The following STARD9 variants were observed in gnomAD, a reference collection of about 807,000 sequenced individuals.
STARD9 encodes stAR-related lipid transfer protein 9.
Under a neutral mutation model 399.8 loss-of-function variants are expected in STARD9, and 346 were observed. The observed-to-expected ratio is 0.87, with a 90% CI of 0.79 to 0.95. The LOEUF (loss-of-function observed/expected upper bound fraction) is 0.95, where lower values mean the gene tolerates loss of function less well. Ranked by LOEUF, STARD9 falls within the 40% of genes least tolerant of loss-of-function variation. The probability of loss-of-function intolerance (pLI) is 0.00; values close to 1 mark genes in which losing one functional copy is unlikely to be tolerated. For missense variants in STARD9, 5,832 were observed against 5,667.5 expected (o/e 1.03, Z -0.93); for synonymous variants, 2,203 against 2,143.5 (o/e 1.03, Z -0.77).
intron 6 of STARD9, 77 bp downstream of exon 6, chr15:42,638,164 CTT>C (rs772186523): frequency 1.2e-4 from 165 of 1,326,598 alleles, no homozygotes; most frequent in Non-Finnish European, 1.6e-4. Context: ...GCTGTCCTCT[CTT>C]TGCTTCCAGA....
At chr15:42,659,216 A>G (rs1295733507) in intron 9 of STARD9, among the ~76,000 whole-genome samples, 1 of 152,224 alleles carries the variant, frequency 6.6e-6, no homozygotes, top group East Asian at 1.9e-4. Context: ...TCCAGAATAT[A>G]TAAAGAACTC....
At chr15:42,681,765 C>T (rs2060433679) in intron 21 of STARD9, among the ~76,000 whole-genome samples, 153 bp downstream of exon 21, 1 of 152,112 alleles carries the variant, frequency 6.6e-6, no homozygotes, top group African/African-American at 2.4e-5. Flanking sequence ...ACCAGAGATT[C>T]TTATAAGAAG....
At chr15:42,649,862 C>CTTTTT (rs765573235) in intron 7 of STARD9, among the ~76,000 whole-genome samples, 3 of 107,224 alleles carry the variant, frequency 2.8e-5, no homozygotes, top group Non-Finnish European at 5.6e-5. Flanking sequence ...CGAGCCTGGC[C>CTTTTT]TTTTTTTTTT....
At chr15:42,580,340 T>C (rs990311244) in intron 1 of STARD9, among the ~76,000 whole-genome samples, 1 of 152,184 alleles carries the variant, frequency 6.6e-6, no homozygotes, top group Non-Finnish European at 1.5e-5. Context: ...GCCCAGAATC[T>C]TGCAACACTG....
Position 42,663,309 on chromosome 15 carries a change from C to T in STARD9, c.897C>T (p.Cys299=). Residue 299 remains cysteine (C), a synonymous_variant, in exon 12 of 33, where the codon TGC becomes TGT. Coordinates refer to ENST00000290607, the MANE Select transcript of STARD9 (RefSeq NM_020759.3). ...AGAACTCCCAAGTTTTCAGCAGCTGCCAGAGCCTCAACAGCTCAGTCAGCA... is the reference window on the plus strand; with the variant it reads ...AGAACTCCCAAGTTTTCAGCAGCTGTCAGAGCCTCAACAGCTCAGTCAGCA... ...LAQNSQVFSS[C]QSLNSSVSNG... 1 of 1,536,074 alleles carries T rather than the reference C, an allele frequency of 6.5e-7. No homozygotes were observed. Among genetic ancestry groups the T allele is most frequent in the Non-Finnish European group, 8.7e-7 (1 of 1,145,814 alleles).
Position 42,687,117 on chromosome 15 carries a change from G to C in STARD9, c.5539G>C (p.Val1847Leu), listed in dbSNP as rs1264772833. 2 of 1,537,140 alleles carry C rather than the reference G, an allele frequency of 1.3e-6. No homozygotes were observed. Among genetic ancestry groups the C allele is most frequent in the African/African-American group, 1.4e-5 (1 of 73,046 alleles). ...TATTACAGAAGAAAGCCATGATTCA[G>C]TTTATTCTTCTGTTACTCAGAACAG... ...GNITEESHDS[V>L]YSSVTQNRHF... is the part of the protein sequence containing the mutation. Residue 1847 changes from valine to leucine, a missense_variant, in exon 23 of 33, where the codon GTT becomes CTT. Val to Leu is a conservative substitution (Grantham distance 32). This residue lies in a region of STARD9 where 5,828 missense variants were observed against 5,651.1 expected (regional missense o/e 1.03). Coordinates refer to ENST00000290607, the MANE Select transcript of STARD9 (RefSeq NM_020759.3).
intron 3 of STARD9, among the ~76,000 whole-genome samples, chr15:42,601,893 G>C (rs2058638406): frequency 6.6e-6 from 1 of 152,192 alleles, no homozygotes; most frequent in African/African-American, 2.4e-5. Flanking sequence ...TGTCACCTGG[G>C]CTGGAGTGCA....
At position 42,693,485 on chromosome 15, in the gene STARD9, A is replaced by G; in HGVS notation, c.11907A>G (p.Gln3969=). Residue 3969 remains glutamine, a synonymous_variant, in exon 23 of 33, where the codon CAA becomes CAG. Coordinates refer to ENST00000290607, the MANE Select transcript of STARD9 (RefSeq NM_020759.3). ...CCCAGAGAGGTAGAAGTTCCTTACA[A>G]AGGAGTAATGGGAGATCCTTCCTTG... is the stretch of plus-strand genomic sequence containing the variant. ...GGSQRGRSSL[Q]RSNGRSFLEL... 1 of 1,537,218 alleles carries G rather than the reference A, an allele frequency of 6.5e-7. No individual in the cohort carries two copies. The highest frequency in any genetic ancestry group is 8.7e-7 in the Non-Finnish European group (1 of 1,146,900).
rs375001385 is a variant in STARD9 at position 42,684,489 on chromosome 15, A to C, written c.2911A>C (p.Thr971Pro). 6.5e-7 allele frequency: 1 copy of C among 1,537,078 alleles called. No homozygotes were observed. The highest frequency in any genetic ancestry group is 1.4e-5 in the African/African-American group (1 of 73,056). Reference sequence around the variant, plus strand: ...GCATGAGCCAAAGATCTTCACCTCTACTACCCAGACCAGAGGGGCGAAGGG... The same window carrying C: ...GCATGAGCCAAAGATCTTCACCTCTCCTACCCAGACCAGAGGGGCGAAGGG... ...PRHEPKIFTSTTQTRGAKGLA... is the reference protein window; with the variant it reads ...PRHEPKIFTSPTQTRGAKGLA... Residue 971 changes from threonine (T) to proline (P), a missense_variant, in exon 23 of 33, where the codon ACT (threonine) becomes CCT (proline). By Grantham distance (38) the Thr-to-Pro change is conservative. Coordinates refer to ENST00000290607, the MANE Select transcript of STARD9 (RefSeq NM_020759.3).
chr15:42,719,583 C>A lies in STARD9; in HGVS notation c.*9C>A. ...CCTTCCTTGGTAGGTAGCATCTCAC[C>A]GTCAAGATGGTGCTGCTGAGATGCA... On this transcript the variant is annotated 3_prime_UTR_variant, in exon 33 of 33. Transcript: ENST00000290607. 1.3e-6 allele frequency: 2 copies of A among 1,509,570 alleles called. No individual in the cohort carries two copies. Among genetic ancestry groups the A allele is most frequent in the South Asian group, 1.2e-5 (1 of 83,448 alleles). The allele number at this position is 1,509,570 out of a possible 1,614,324, so 93.5% of individuals were successfully genotyped here.
intron 3 of STARD9, among the ~76,000 whole-genome samples, chr15:42,619,915 T>C (rs1304478567): frequency 6.6e-6 from 1 of 152,174 alleles, no homozygotes; most frequent in Non-Finnish European, 1.5e-5. Flanking sequence ...AGGCTTGAGG[T>C]TGGGGTTGAA....
chr15:42,623,058 C>T (rs989781266), intron 3 of STARD9, among the ~76,000 whole-genome samples: 3 of 152,126 alleles, frequency 2.0e-5, no homozygotes, highest in Non-Finnish European at 4.4e-5. Context: ...TTGAAACCAG[C>T]CAGACCAACA....
At chr15:42,602,189 G>A (rs923648150) in intron 3 of STARD9, among the ~76,000 whole-genome samples, 1 of 152,206 alleles carries the variant, frequency 6.6e-6, no homozygotes, top group Non-Finnish European at 1.5e-5. Flanking sequence ...CCAAAGGCAG[G>A]CAGAGTCTTT....
Position 42,692,691 on chromosome 15 carries a change from A to G in STARD9, c.11113A>G (p.Arg3705Gly). Reference sequence around the variant, plus strand: ...GAGTCTCTCCCAGCCAGATGTGGCCAGAAGGGAGCAGAACACCAAGAGGGA... The same window carrying G: ...GAGTCTCTCCCAGCCAGATGTGGCCGGAAGGGAGCAGAACACCAAGAGGGA... ...LGSLSQPDVA[R>G]REQNTKRDIP... Residue 3705 changes from arginine to glycine, a missense_variant, in exon 23 of 33, where the codon AGA becomes GGA. Physicochemically the swap from Arg to Gly is moderately radical, Grantham distance 125 (BLOSUM62 -2). Transcript: ENST00000290607. 1 of 1,537,044 alleles carries G rather than the reference A, an allele frequency of 6.5e-7. No homozygotes were observed. Among genetic ancestry groups the G allele is most frequent in the Non-Finnish European group, 8.7e-7 (1 of 1,146,848 alleles).
chr15:42,638,604 C>A, intron 6 of STARD9, 96 bp from the exon 7 acceptor site: 1 of 770,722 alleles, frequency 1.3e-6, no homozygotes, highest in Non-Finnish European at 2.1e-6. Flanking sequence ...AGAAGTGGAG[C>A]TGGAACAAGA....
At chr15:42,705,486 T>G (rs536786846) in intron 26 of STARD9, among the ~76,000 whole-genome samples, 1 of 150,940 alleles carries the variant, frequency 6.6e-6, no homozygotes, top group East Asian at 1.9e-4. Context: ...CAGACTGGAG[T>G]GCTGTGGCGC....
At chr15:42,630,319 CAT>C (rs369392844) in intron 3 of STARD9, among the ~76,000 whole-genome samples, 8 of 152,148 alleles carry the variant, frequency 5.3e-5, no homozygotes, top group Non-Finnish European at 1.2e-4. Context: ...ATCTTTTTCA[CAT>C]GTTGTTGAAT....
chr15:42,704,918 G>A (rs2061042996), intron 26 of STARD9, among the ~76,000 whole-genome samples: 1 of 152,230 alleles, frequency 6.6e-6, no homozygotes, highest in African/African-American at 2.4e-5. Flanking sequence ...TCTTGGACCA[G>A]GGTGGAAATG....
chr15:42,688,351 C>A lies in STARD9; in HGVS notation c.6773C>A (p.Ala2258Asp). 6.5e-7 allele frequency: 1 copy of A among 1,536,832 alleles called. No homozygotes were observed. Among genetic ancestry groups the A allele is most frequent in the Non-Finnish European group, 8.7e-7 (1 of 1,146,972 alleles). ...AAAGGTTTTCAGGAAAGCCAAGTAG[C>A]TGAACACGTAAGTAGTTCCAACCAA... ...TVKGFQESQV[A>D]EHVSSSNQEE... The change falls in exon 23 of 33, where the codon GCT (alanine) becomes GAT (aspartate). Residue 2258 changes from alanine (A) to aspartate (D), a missense_variant. Physicochemically the swap from Ala to Asp is moderately radical, Grantham distance 126. This residue lies in a region of STARD9 where 5,828 missense variants were observed against 5,651.1 expected (regional missense o/e 1.03). Coordinates refer to ENST00000290607, the MANE Select transcript of STARD9 (RefSeq NM_020759.3).
Sources: gnomAD v4.1 joint callset for allele counts (sites outside exome capture counted in the v4.1 genomes callset) on GRCh38, gnomAD v4.1.1 for gene constraint, gnomAD v4.1.1 regional missense constraint, MANE v1.5 for transcripts, NCBI Gene and HGNC (gene_info 2026-07-23, HGNC 2026-07-21) for gene names.